The following P2RX7 variants were observed in gnomAD, a reference collection of about 807,000 sequenced individuals.
P2RX7 encodes P2X purinoceptor 7.
Under a neutral mutation model 71.6 loss-of-function variants are expected in P2RX7, and 62 were observed. The observed-to-expected ratio is 0.87, with a 90% CI of 0.71 to 1.07. P2RX7 has a LOEUF of 1.07. Ranked by LOEUF, P2RX7 falls within the 50% of genes least tolerant of loss-of-function variation. The pLI is 0.00. For synonymous variants in P2RX7, 299 were observed against 283.3 expected, an observed-to-expected ratio of 1.06 and a Z score of -0.56; for missense variants, 686 against 748.5, an observed-to-expected ratio of 0.92 and a Z score of 0.97.
intron 5 of P2RX7, among the ~76,000 whole-genome samples, chr12:121,164,099 G>A (rs890794403): frequency 2.6e-5 from 4 of 152,148 alleles, no homozygotes; most frequent in African/African-American, 9.7e-5. Flanking sequence ...AAGACAAGCG[G>A]CCCTTGACTG....
intron 8 of P2RX7, among the ~76,000 whole-genome samples, chr12:121,175,111 A>T (rs183474272): frequency 1.7e-4 from 26 of 152,148 alleles, no homozygotes; most frequent in Non-Finnish European, 3.4e-4. Flanking sequence ...GGAGTTCGAG[A>T]CCAGCCTGGG....
intron 11 of P2RX7, among the ~76,000 whole-genome samples, chr12:121,179,825 G>A (rs1326183568): frequency 6.6e-6 from 1 of 152,130 alleles, no homozygotes; most frequent in Non-Finnish European, 1.5e-5. Context: ...TAAGCAGTAA[G>A]CTGTGGCTGT....
At position 121,177,303 on chromosome 12, in the gene P2RX7, G is replaced by A. The variant is rs2136144724; in HGVS notation, c.1045G>A (p.Val349Met). 1.2e-6 allele frequency: 2 copies of A among 1,614,092 alleles called. No homozygotes were observed. The highest frequency in any genetic ancestry group is 1.7e-6 in the Non-Finnish European group (2 of 1,180,024). ...TTGTCTGCATTCTCCCCAGGCCGCT[G>A]TGTTCATCGACTTCCTCATCGACAC... The part of the protein sequence containing the change: ...STLSYFGLAA[V>M]FIDFLIDTYS... The change falls in exon 11 of 13, where the codon GTG becomes ATG. Residue 349 changes from valine (V) to methionine (M), a missense_variant. Coordinates refer to ENST00000328963, the MANE Select transcript of P2RX7 (RefSeq NM_002562.6).
chr12:121,163,286 T>C (rs1040307582), intron 5 of P2RX7, among the ~76,000 whole-genome samples: 2 of 151,154 alleles, frequency 1.3e-5, no homozygotes, highest in Admixed American at 6.7e-5. Context: ...GAGATGATAC[T>C]TGTACAGTTA....
chr12:121,176,688 C>G (rs1188867012), intron 9 of P2RX7, among the ~76,000 whole-genome samples: 2 of 144,424 alleles, frequency 1.4e-5, no homozygotes, highest in African/African-American at 2.6e-5. Flanking sequence ...GGAGGCGGAG[C>G]TTGCAGTGAG....
At chr12:121,177,511 C>T in intron 11 of P2RX7, 65 bp downstream of exon 11, 1 of 1,519,010 alleles carries the variant, frequency 6.6e-7, no homozygotes, top group Non-Finnish European at 9.1e-7. Context: ...CTCAGAAATG[C>T]ACGAAAATTA....
rs1207447986 is a variant in P2RX7, at chr12:121,149,376, T to C, written c.126-5409T>C. 1.3e-5 allele frequency among the ~76,000 whole-genome samples: 2 copies of C among 152,182 alleles called. No homozygotes were observed. The highest frequency in any genetic ancestry group is 2.9e-5 in the Non-Finnish European group (2 of 68,044). On this transcript the variant is annotated intron_variant, in intron 1 of 12. Coordinates refer to ENST00000328963, the MANE Select transcript of P2RX7 (RefSeq NM_002562.6). The surrounding 1 kb of genome is among the most constrained non-coding windows in gnomAD (Gnocchi z 4.7). ...AAGACATACCCAAGACCAGGTAATTTATAAAGGAAAGAGGTTTAATGGGCC... is the reference window on the plus strand; with the variant it reads ...AAGACATACCCAAGACCAGGTAATTCATAAAGGAAAGAGGTTTAATGGGCC...
Position 121,160,963 on chromosome 12 carries a change from C to T in P2RX7, c.425C>T (p.Pro142Leu), listed in dbSNP as rs143722015. The T allele has an allele frequency of 1.1e-4, 183 of 1,613,380 alleles. 1 individual carries two copies. The East Asian group carries it at 2.3e-3, about 20-fold the overall frequency. ...GGTTGTAAAAAGGGATGGATGGACC[C>T]GCAGAGCAAAGGTACCTTCTGTTTC... ...DRGCKKGWMD[P>L]QSKGIQTGRC... The change falls in exon 4 of 13, where the codon CCG becomes CTG. Residue 142 changes from proline to leucine, a missense_variant. Transcript: ENST00000328963.
chr12:121,136,340 C>T (rs1446120993), intron 1 of P2RX7, among the ~76,000 whole-genome samples: 1 of 151,768 alleles, frequency 6.6e-6, no homozygotes, highest in African/African-American at 2.4e-5. Context: ...TTTTTAGAGA[C>T]AGGGTCTCAT....
chr12:121,187,173 AC>A lies in P2RX7; in HGVS notation c.*2373del, dbSNP rs1435261893. 1 of 152,350 alleles carries A rather than the reference AC, an allele frequency of 6.6e-6. No homozygotes were observed. Among genetic ancestry groups the A allele is most frequent in the East Asian group, 1.9e-4 (1 of 5,192 alleles). 9.4% of individuals were successfully genotyped at this position (152,350 alleles called of 1,614,324 possible). A position where few individuals can be genotyped will look rare whatever the true frequency, so the allele number is the denominator to read the frequency against. Reference sequence around the variant, plus strand: ...AGCTATTTTATCGAATAGTTTAGAGACCACTATTAAATATTGTGACTGATGA... The same window carrying A: ...AGCTATTTTATCGAATAGTTTAGAGACACTATTAAATATTGTGACTGATGA... On this transcript the variant is annotated 3_prime_UTR_variant, in exon 13 of 13. Coordinates refer to ENST00000328963, the MANE Select transcript of P2RX7 (RefSeq NM_002562.6).
intron 1 of P2RX7, among the ~76,000 whole-genome samples, chr12:121,138,988 CTG>C (rs1203553684): frequency 1.3e-5 from 2 of 152,196 alleles, no homozygotes; most frequent in Non-Finnish European, 2.9e-5. Flanking sequence ...GTTACCGAGA[CTG>C]GAGTGCAGTG....
chr12:121,177,572 C>A (rs1026863814), intron 11 of P2RX7, 126 bp downstream of exon 11: 9 of 850,894 alleles, frequency 1.1e-5, no homozygotes, highest in Non-Finnish European at 1.6e-5. Context: ...TGGGTTCTAC[C>A]CCGATCAACC....
chr12:121,166,314 C>A, intron 7 of P2RX7, 127 bp downstream of exon 7: 1 of 995,712 alleles, frequency 1.0e-6, no homozygotes, highest in South Asian at 1.5e-5. Context: ...TTTAGTAAAT[C>A]CACCCGCTAC....
chr12:121,135,367 G>T (rs1394943010), intron 1 of P2RX7, among the ~76,000 whole-genome samples: 3 of 151,484 alleles, frequency 2.0e-5, no homozygotes, highest in African/African-American at 7.3e-5. Context: ...TAATTTTTTT[G>T]ATTATATAAT....
At chr12:121,156,265 G>C in intron 3 of P2RX7, 118 bp downstream of exon 3, 1 of 774,220 alleles carries the variant, frequency 1.3e-6, no homozygotes, top group Non-Finnish European at 2.2e-6. Context: ...TATCTACTGA[G>C]CACCTGCCTC....
At chr12:121,162,555 C>G in intron 5 of P2RX7, 35 bp downstream of exon 5, 1 of 1,605,180 alleles carries the variant, frequency 6.2e-7, no homozygotes, top group South Asian at 1.1e-5. Flanking sequence ...CAGTGGCCCT[C>G]AGCGGCGACC....
Position 121,184,864 on chromosome 12 carries a change from C to T in P2RX7, c.*62C>T. ...CTTTGGGAGGCCGAGGCAGGCAGATCACCTGAGGTCGGGAGTTGGAGACCC... is the reference window on the plus strand; with the variant it reads ...CTTTGGGAGGCCGAGGCAGGCAGATTACCTGAGGTCGGGAGTTGGAGACCC... On this transcript the variant is annotated 3_prime_UTR_variant, in exon 13 of 13. Coordinates refer to ENST00000328963, the MANE Select transcript of P2RX7 (RefSeq NM_002562.6). The T allele has an allele frequency of 7.5e-7, 1 of 1,339,874 alleles. No homozygotes were observed. The highest frequency in any genetic ancestry group is 1.5e-5 in the South Asian group (1 of 68,088). 83.0% of individuals were successfully genotyped at this position (1,339,874 alleles called of 1,614,324 possible). A position where few individuals can be genotyped will look rare whatever the true frequency, so the allele number is the denominator to read the frequency against.
intron 1 of P2RX7, among the ~76,000 whole-genome samples, chr12:121,134,910 T>C (rs1873218511): frequency 6.6e-6 from 1 of 152,130 alleles, no homozygotes; most frequent in Non-Finnish European, 1.5e-5. Context: ...GGCCAAGTCA[T>C]TAACTTCTCT....
chr12:121,166,202 G>C lies in P2RX7; in HGVS notation c.744+15G>C, dbSNP rs200392702. ...TGGCAATTCAGGTTGGTGGTGCTTT[G>C]TACACTGGGATGTGGGGCTGTGTGT... On this transcript the variant is annotated intron_variant, in intron 7 of 12. Transcript: ENST00000328963. 6 of 1,610,410 alleles carry C rather than the reference G, an allele frequency of 3.7e-6. No individual in the cohort carries two copies. Among genetic ancestry groups the C allele is most frequent in the Non-Finnish European group, 5.1e-6 (6 of 1,177,606 alleles).
Sources: allele counts gnomAD v4.1 joint callset (sites outside exome capture counted in the v4.1 genomes callset), GRCh38; gene constraint gnomAD v4.1.1; non-coding constraint Gnocchi (gnomAD v3.1); transcripts MANE v1.5; gene names NCBI Gene and HGNC (gene_info 2026-07-23, HGNC 2026-07-21).